Variants in RIBC2 observed in about 807,000 individuals in gnomAD.
RIBC2 encodes the protein RIB43A domain with coiled-coils 2.
RIBC2 carries 40 observed loss-of-function variants against 44.3 expected under a neutral mutation model. That is an observed-to-expected ratio of 0.90 (90% CI 0.70 to 1.18). The LOEUF (loss-of-function observed/expected upper bound fraction) is 1.18, where lower values mean the gene tolerates loss of function less well. Among genes scored for constraint, RIBC2 ranks in the 50% most tolerant of loss-of-function variants. The pLI, the probability that RIBC2 is intolerant of heterozygous loss-of-function variation, is 0.00. For missense variants in RIBC2, 459 were observed against 485.5 expected (o/e 0.95, Z 0.51); for synonymous variants, 171 against 175.0 (o/e 0.98, Z 0.18).
intron 4 of RIBC2, among the ~76,000 whole-genome samples, chr22:45,423,395 G>C (rs907819434): frequency 6.6e-6 from 1 of 151,996 alleles, no homozygotes; most frequent in Admixed American, 6.6e-5. Flanking sequence ...GATCAGGTTC[G>C]CTCGTCAACT....
Position 45,414,011 on chromosome 22 carries a change from T to C in RIBC2, c.125T>C (p.Ile42Thr), listed in dbSNP as rs1187718060. The C allele has an allele frequency of 1.9e-6, 3 of 1,550,586 alleles. No homozygotes were observed. The highest frequency in any genetic ancestry group is 1.7e-4 in the Middle Eastern group (1 of 5,988). ...KRVFNARNRI[I>T]GGDTEAWDVQ... ...GTCTTCAACGCCAGAAACAGGATAATTGGGGTGAAAGGGCAGGGGCCGGGA... is the reference window on the plus strand; with the variant it reads ...GTCTTCAACGCCAGAAACAGGATAACTGGGGTGAAAGGGCAGGGGCCGGGA... The change falls in exon 1 of 7, where the codon ATT (isoleucine) becomes ACT (threonine). Residue 42 changes from isoleucine (I) to threonine (T), a missense_variant. By Grantham distance (89) the Ile-to-Thr change is moderately conservative. Coordinates refer to ENST00000614167, the MANE Select transcript of RIBC2 (RefSeq NM_015653.5).
intron 6 of RIBC2, among the ~76,000 whole-genome samples, chr22:45,431,404 A>G (rs1025708206): frequency 6.6e-6 from 1 of 152,154 alleles, no homozygotes; most frequent in Non-Finnish European, 1.5e-5. Flanking sequence ...CTTTCCAGGT[A>G]GAGAGAGGGG....
intron 3 of RIBC2, among the ~76,000 whole-genome samples, chr22:45,422,068 G>A: frequency 6.6e-6 from 1 of 152,096 alleles, no homozygotes; most frequent in Non-Finnish European, 1.5e-5. Flanking sequence ...ACAGCAAGGG[G>A]CACACCACCA....
At chr22:45,422,648 A>G in intron 4 of RIBC2, 1 of 523,110 alleles carries the variant, frequency 1.9e-6, no homozygotes, top group Non-Finnish European at 3.5e-6. Context: ...AACCTGGGGA[A>G]GTCAGCTCAC....
In RIBC2 at chr22:45,424,753, CTTTTTTT is replaced by C. The variant is rs3071820; in HGVS notation, c.676-1183_676-1177del. On this transcript the variant is annotated intron_variant, in intron 4 of 6. Coordinates refer to ENST00000614167, the MANE Select transcript of RIBC2 (RefSeq NM_015653.5). Reference sequence around the variant, plus strand: ...CCACCTCTGCTCACATTTCTTTTTTCTTTTTTTTTTTTTTTTTTGAGGTGGAGTCTTG... The same window carrying C: ...CCACCTCTGCTCACATTTCTTTTTTCTTTTTTTTTTTGAGGTGGAGTCTTG... 1.7e-4 allele frequency among the ~76,000 whole-genome samples: 21 copies of C among 124,366 alleles called. 1 individual carries two copies. Among genetic ancestry groups the C allele is most frequent in the African/African-American group, 2.8e-4 (9 of 31,994 alleles). 81.6% of individuals were successfully genotyped at this position (124,366 alleles called of 152,430 possible).
chr22:45,422,872 C>T (rs1220081464), intron 4 of RIBC2, among the ~76,000 whole-genome samples: 2 of 152,112 alleles, frequency 1.3e-5, no homozygotes, highest in African/African-American at 4.8e-5. Flanking sequence ...CCTCCTGAGA[C>T]CTCCCACCTC....
chr22:45,425,358 A>C (rs1327268401), intron 4 of RIBC2, among the ~76,000 whole-genome samples: 1 of 152,170 alleles, frequency 6.6e-6, no homozygotes, highest in Non-Finnish European at 1.5e-5. Flanking sequence ...ACCCAAGTAC[A>C]TGTCTCCTAA....
At chr22:45,422,179 G>A (rs191521480) in intron 3 of RIBC2, 111 bp from the exon 4 acceptor site, 23 of 746,474 alleles carry the variant, frequency 3.1e-5, no homozygotes, top group Middle Eastern at 3.5e-4. Context: ...TATTGTTCCC[G>A]TCCTCATGCT....
intron 3 of RIBC2, among the ~76,000 whole-genome samples, chr22:45,421,755 T>C (rs1201638920): frequency 6.6e-6 from 1 of 151,730 alleles, no homozygotes; most frequent in African/African-American, 2.4e-5. Context: ...AATCTTCACA[T>C]TTTGCTTTTG....
At chr22:45,414,229 G>T in intron 1 of RIBC2, 93 bp from the exon 2 acceptor site, 1 of 1,501,474 alleles carries the variant, frequency 6.7e-7, no homozygotes, top group South Asian at 1.3e-5. Context: ...CGTTTACAGT[G>T]GGGCAGAGAT....
intron 1 of RIBC2, 34 bp downstream of exon 1, chr22:45,414,049 G>A: frequency 1.3e-6 from 2 of 1,548,858 alleles, no homozygotes; most frequent in South Asian, 1.2e-5. Context: ...GGGTTAGAGC[G>A]GCAGATGCGG....
In RIBC2 at chr22:45,426,183, C is replaced by T. The variant is rs1158252883; in HGVS notation, c.903+8C>T. ...CAAATCCAGGAGAAGCTGGTGACTGCCCCGCCCCTTTTTCCAGAGCCCATA... is the reference window on the plus strand; with the variant it reads ...CAAATCCAGGAGAAGCTGGTGACTGTCCCGCCCCTTTTTCCAGAGCCCATA... On this transcript the variant is annotated splice_region_variant and intron_variant, in intron 5 of 6. Coordinates refer to ENST00000614167, the MANE Select transcript of RIBC2 (RefSeq NM_015653.5). 1 of 1,607,984 alleles carries T rather than the reference C, an allele frequency of 6.2e-7. No individual in the cohort carries two copies. Among genetic ancestry groups the T allele is most frequent in the Admixed American group, 1.7e-5 (1 of 59,544 alleles).
At chr22:45,420,063 G>T (rs538219494) in intron 3 of RIBC2, among the ~76,000 whole-genome samples, 2 of 152,244 alleles carry the variant, frequency 1.3e-5, no homozygotes, top group African/African-American at 4.8e-5. Flanking sequence ...TGCTCTTTGG[G>T]TCTCTCCCCT....
Position 45,422,281 on chromosome 22 carries a change from T to A in RIBC2, c.557-9T>A. The A allele has an allele frequency of 6.2e-7, 1 of 1,609,432 alleles. No individual in the cohort carries two copies. The highest frequency in any genetic ancestry group is 2.2e-5 in the East Asian group (1 of 44,846). On this transcript the variant is annotated splice_polypyrimidine_tract_variant and intron_variant, in intron 3 of 6. Transcript: ENST00000614167. ...CAGGTCGATCTGATTGCTTCTTGCC[T>A]CCTTTCAGAGGCCCTCTACACAGAG...
At chr22:45,414,973 A>G (rs1195193599) in intron 2 of RIBC2, among the ~76,000 whole-genome samples, 1 of 152,168 alleles carries the variant, frequency 6.6e-6, no homozygotes, top group African/African-American at 2.4e-5. Context: ...TGACTCAGAG[A>G]CAGACATGAT....
At chr22:45,415,258 G>C (rs2146871712) in intron 2 of RIBC2, among the ~76,000 whole-genome samples, 1 of 142,310 alleles carries the variant, frequency 7.0e-6, no homozygotes, top group African/African-American at 2.6e-5. Context: ...TTTTATAATA[G>C]AAAAAAAAGC....
chr22:45,417,349 G>A (rs2087434654), intron 2 of RIBC2, among the ~76,000 whole-genome samples: 1 of 151,968 alleles, frequency 6.6e-6, no homozygotes, highest in South Asian at 2.1e-4. Context: ...TTTTTTGGAG[G>A]GTTGTATTAC....
At position 45,426,059 on chromosome 22, in the gene RIBC2, C is replaced by A; in HGVS notation, c.787C>A (p.Gln263Lys). Residue 263 changes from glutamine (Q) to lysine (K), a missense_variant, in exon 5 of 7, where the codon CAG (glutamine) becomes AAG (lysine). Transcript: ENST00000614167. ...GGACCTGCTCTCCGAGAACCCGCAG[C>A]AGGCAGCCAGCTCCTTCGGGCCCCA... is the stretch of plus-strand genomic sequence containing the variant. ...RGDLLSENPQ[Q>K]AASSFGPHRV... The A allele has an allele frequency of 6.2e-7, 1 of 1,614,046 alleles. No homozygotes were observed. The highest frequency in any genetic ancestry group is 1.1e-5 in the South Asian group (1 of 91,082).
intron 2 of RIBC2, 71 bp from the exon 3 acceptor site, chr22:45,417,531 A>T: frequency 7.9e-7 from 1 of 1,260,410 alleles, no homozygotes; most frequent in Non-Finnish European, 1.1e-6. Context: ...TAAATAATAA[A>T]AAATAAAATG....
Sources: gnomAD v4.1 joint callset for allele counts (sites outside exome capture counted in the v4.1 genomes callset) on GRCh38, gnomAD v4.1.1 for gene constraint, MANE v1.5 for transcripts, NCBI Gene and HGNC (gene_info 2026-07-23, HGNC 2026-07-21) for gene names.